EFCAB14: variants seen among roughly 807,000 people sequenced by gnomAD.
The protein encoded by EFCAB14 is EF-hand calcium binding domain 14, also known as EF-hand calcium-binding domain-containing protein 14.
Under a neutral mutation model 56.5 loss-of-function variants are expected in EFCAB14, and 43 were observed. That is an observed-to-expected ratio of 0.76 (90% confidence interval 0.60 to 0.98). The LOEUF is 0.98. EFCAB14 is among the 50% of genes least tolerant of loss of function. The probability of loss-of-function intolerance (pLI) is 0.00; values close to 1 mark genes in which losing one functional copy is unlikely to be tolerated. For synonymous variants in EFCAB14, 235 were observed against 212.9 expected (o/e 1.10, Z -0.90); for missense variants, 538 against 580.3 (o/e 0.93, Z 0.75).
chr1:46,696,771 C>G (rs1677083562), intron 3 of EFCAB14, 122 bp from the exon 4 acceptor site: 2 of 837,822 alleles, frequency 2.4e-6, no homozygotes, highest in Non-Finnish European at 3.7e-6. Flanking sequence ...TTTCTGCAAC[C>G]CTGTCAGCTC....
intron 1 of EFCAB14, among the ~76,000 whole-genome samples, chr1:46,717,249 G>A (rs1677411198): frequency 6.6e-6 from 1 of 152,172 alleles, no homozygotes; most frequent in Non-Finnish European, 1.5e-5. Flanking sequence ...ATCCTCAGCA[G>A]AATCCTCTTT....
Position 46,675,496 on chromosome 1 carries a change from C to T in EFCAB14, c.*2965G>A, listed in dbSNP as rs1676679228. On this transcript the variant is annotated 3_prime_UTR_variant, in exon 11 of 11. Transcript: ENST00000371933. Reference sequence around the variant, plus strand: ...CAATGAGGTGTGCAGCAAACAAAACCTGTCACTAAAAACAACTCAACAGGC... The same window carrying T: ...CAATGAGGTGTGCAGCAAACAAAACTTGTCACTAAAAACAACTCAACAGGC... 1 of 152,636 alleles carries T rather than the reference C, an allele frequency of 6.6e-6. No homozygotes were observed. The highest frequency in any genetic ancestry group is 1.5e-5 in the Non-Finnish European group (1 of 68,050). 9.5% of individuals were successfully genotyped at this position (152,636 alleles called of 1,614,324 possible).
chr1:46,686,673 T>G (rs1676886904), intron 8 of EFCAB14, 111 bp downstream of exon 8: 4 of 1,073,338 alleles, frequency 3.7e-6, no homozygotes, highest in Non-Finnish European at 5.5e-6. Context: ...TGTTTTGAAG[T>G]TTCAGCACAT....
chr1:46,695,793 C>T (rs1287933888), intron 4 of EFCAB14, among the ~76,000 whole-genome samples: 1 of 152,186 alleles, frequency 6.6e-6, no homozygotes. Context: ...GATCTTCCTA[C>T]TTCAGCCTCC....
intron 8 of EFCAB14, 63 bp downstream of exon 8, chr1:46,686,721 A>T: frequency 6.6e-7 from 1 of 1,523,548 alleles, no homozygotes; most frequent in Non-Finnish European, 9.0e-7. Context: ...GTAGCAGTAG[A>T]TCAAAAGCAC....
rs151122246 is a variant in EFCAB14, at chr1:46,712,002, T to G, written c.335-3951A>C. Among the ~76,000 whole-genome samples, 680 of 152,300 alleles carry G rather than the reference T, an allele frequency of 4.5e-3. 2 individuals carry two copies. Among genetic ancestry groups the G allele is most frequent in the African/African-American group, 0.015 (620 of 41,560 alleles). Reference sequence around the variant, plus strand: ...TGTTATGACAGAGGAATGCCCAAAGTGCTTTGGTAGCACAAATACATCTTT... The same window carrying G: ...TGTTATGACAGAGGAATGCCCAAAGGGCTTTGGTAGCACAAATACATCTTT... On this transcript the variant is annotated intron_variant, in intron 2 of 10. Coordinates refer to ENST00000371933, the MANE Select transcript of EFCAB14 (RefSeq NM_014774.3).
intron 4 of EFCAB14, among the ~76,000 whole-genome samples, chr1:46,693,523 G>A (rs61659784): frequency 0.014 from 2,157 of 152,200 alleles, 60 homozygotes; most frequent in African/African-American, 0.049. Flanking sequence ...TATCTAAGCT[G>A]GTTTGCTATC....
At position 46,691,847 on chromosome 1, in the gene EFCAB14, C is replaced by T; in HGVS notation, c.670G>A (p.Glu224Lys). 2 of 1,613,264 alleles carry T rather than the reference C, an allele frequency of 1.2e-6. No individual in the cohort carries two copies. The highest frequency in any genetic ancestry group is 2.7e-5 in the African/African-American group (2 of 74,968). ...CTTACCATATCACTCTGCAGTAATT[C>T]CATCGTTTTCTTGTGTTCATCCACA... ...KTVDEHKKTM[E>K]LLQSDMNQHF... The change falls in exon 5 of 11, where the codon GAA becomes AAA. Residue 224 changes from glutamate (E) to lysine (K), a missense_variant. Glu to Lys is a moderately conservative substitution (Grantham distance 56, BLOSUM62 1). Transcript: ENST00000371933.
At chr1:46,696,771 C>T in intron 3 of EFCAB14, 122 bp from the exon 4 acceptor site, 1 of 837,940 alleles carries the variant, frequency 1.2e-6, no homozygotes, top group Admixed American at 2.3e-5. Context: ...TTTCTGCAAC[C>T]CTGTCAGCTC....
intron 2 of EFCAB14, among the ~76,000 whole-genome samples, chr1:46,713,890 G>A (rs1418409528): frequency 6.6e-6 from 1 of 152,116 alleles, no homozygotes; most frequent in Non-Finnish European, 1.5e-5. Context: ...ATTGGCCTCA[G>A]AGACACTGTA....
intron 5 of EFCAB14, among the ~76,000 whole-genome samples, chr1:46,691,589 G>C (rs3766219): frequency 0.38 from 57,908 of 152,058 alleles, 12,396 homozygotes; most frequent in East Asian, 0.75. Context: ...TCCATCCTCA[G>C]GAACTGTGTC....
At position 46,675,564 on chromosome 1, in the gene EFCAB14, G is replaced by A. The variant is rs1326935031; in HGVS notation, c.*2897C>T. 6.6e-6 allele frequency: 1 copy of A among 152,618 alleles called. No individual in the cohort carries two copies. The highest frequency in any genetic ancestry group is 2.4e-5 in the African/African-American group (1 of 41,424). 9.5% of individuals were successfully genotyped at this position (152,618 alleles called of 1,614,324 possible). On this transcript the variant is annotated 3_prime_UTR_variant, in exon 11 of 11. Transcript: ENST00000371933. ...CATCACAGCCAAAATCCTCAACTGTGACCGGCAGGACCAGCAAGGGGGGGT... is the reference window on the plus strand; with the variant it reads ...CATCACAGCCAAAATCCTCAACTGTAACCGGCAGGACCAGCAAGGGGGGGT...
intron 10 of EFCAB14, among the ~76,000 whole-genome samples, chr1:46,681,663 GTTT>G (rs10654448): frequency 6.7e-6 from 1 of 149,224 alleles, no homozygotes; most frequent in Non-Finnish European, 1.5e-5. Flanking sequence ...GAAGAGTTCT[GTTT>G]TTTTTTTTCT....
chr1:46,702,909 C>T (rs1218823516), intron 3 of EFCAB14, among the ~76,000 whole-genome samples: 1 of 152,178 alleles, frequency 6.6e-6, no homozygotes, highest in African/African-American at 2.4e-5. Flanking sequence ...TTTTACCAAA[C>T]CATACTGTAG....
intron 8 of EFCAB14, among the ~76,000 whole-genome samples, chr1:46,685,371 A>G (rs778428466): frequency 2.0e-5 from 3 of 152,200 alleles, no homozygotes; most frequent in Non-Finnish European, 4.4e-5. Flanking sequence ...GTTTAATTAG[A>G]ACACCAACTC....
intron 4 of EFCAB14, among the ~76,000 whole-genome samples, chr1:46,695,957 G>A (rs1324082473): frequency 6.6e-6 from 1 of 152,168 alleles, no homozygotes; most frequent in Non-Finnish European, 1.5e-5. Context: ...TGGGATTACA[G>A]TCATGAGCTA....
rs749947077 is a variant in EFCAB14, at chr1:46,684,477, G to A, written c.1186+14C>T. On this transcript the variant is annotated intron_variant, in intron 9 of 10. Transcript: ENST00000371933. ...AGCCTCCATGAAATATTAAGAAGCCGGCTCTGCTCTCACCTTCATCGGCGG... is the reference window on the plus strand; with the variant it reads ...AGCCTCCATGAAATATTAAGAAGCCAGCTCTGCTCTCACCTTCATCGGCGG... The A allele has an allele frequency of 3.2e-5, 51 of 1,607,494 alleles. No individual in the cohort carries two copies. Among genetic ancestry groups the A allele is most frequent in the Non-Finnish European group, 4.2e-5 (49 of 1,174,464 alleles).
intron 9 of EFCAB14, 116 bp from the exon 10 acceptor site, chr1:46,683,541 T>C: frequency 1.7e-6 from 2 of 1,143,628 alleles, no homozygotes; most frequent in Non-Finnish European, 2.4e-6. Context: ...GAGAAACATT[T>C]GAAGATAAAG....
At chr1:46,680,856 T>C (rs547049890) in intron 10 of EFCAB14, among the ~76,000 whole-genome samples, 1 of 152,378 alleles carries the variant, frequency 6.6e-6, no homozygotes, top group African/African-American at 2.4e-5. Flanking sequence ...CTGTATCTTT[T>C]TTATTTCAAT....
Sources: gnomAD v4.1 joint callset for allele counts (sites outside exome capture counted in the v4.1 genomes callset) on GRCh38, gnomAD v4.1.1 for gene constraint, MANE v1.5 for transcripts, NCBI Gene and HGNC (gene_info 2026-07-23, HGNC 2026-07-21) for gene names.